Variants in ZFHX3 observed in about 807,000 individuals in gnomAD.
The protein encoded by ZFHX3 is zinc finger homeobox 3.
Under a neutral mutation model 279.1 loss-of-function variants are expected in ZFHX3, and 42 were observed. The observed-to-expected ratio is 0.15, with a 90% CI of 0.12 to 0.19. ZFHX3 has a LOEUF of 0.19. Among genes scored for constraint, ZFHX3 ranks in the 10% least tolerant of loss-of-function variants. The probability of loss-of-function intolerance (pLI) is 1.00; values close to 1 mark genes in which losing one functional copy is unlikely to be tolerated. For missense variants in ZFHX3, 4,981 were observed against 4,754.0 expected (o/e 1.05, Z -1.40); for synonymous variants, 2,293 against 1,957.8 (o/e 1.17, Z -4.52).
At chr16:72,969,507 C>A (rs749004434) in intron 1 of ZFHX3, among the ~76,000 whole-genome samples, 4 of 151,714 alleles carry the variant, frequency 2.6e-5, no homozygotes, top group Non-Finnish European at 5.9e-5. Context: ...CGAGGGCAGC[C>A]CCCAGAGAAA....
intron 5 of ZFHX3, among the ~76,000 whole-genome samples, chr16:73,183,778 G>A (rs1567412435): frequency 6.6e-6 from 1 of 152,076 alleles, no homozygotes; most frequent in Non-Finnish European, 1.5e-5. Context: ...GCGGAAGTGC[G>A]TTTTGGAGAT....
At chr16:73,048,739 C>G (rs1424421750), upstream of ZFHX3, among the ~76,000 whole-genome samples, 3 of 152,250 alleles carry the variant, frequency 2.0e-5, no homozygotes, top group African/African-American at 7.2e-5. Flanking sequence ...ACACACCCAT[C>G]CTATTAACTG....
Position 72,788,259 on chromosome 16 carries a change from T to G in ZFHX3, c.10017A>C (p.Glu3339Asp). The G allele has an allele frequency of 6.2e-7, 1 of 1,614,160 alleles. No individual in the cohort carries two copies. Among genetic ancestry groups the G allele is most frequent in the South Asian group, 1.1e-5 (1 of 91,080 alleles). ...GTGCAGGGCTGTAGGGGAACAGGCC[T>G]TCCATGCCATACATAGGCTGCAGGT... ...SGYLQPMYGMEGLFPYSPALS... is the reference protein window; with the variant it reads ...SGYLQPMYGMDGLFPYSPALS... Residue 3339 changes from glutamate (E) to aspartate (D), a missense_variant, in exon 10 of 10, where the codon GAA becomes GAC. Glu to Asp is a conservative substitution (Grantham distance 45, BLOSUM62 2). Around this residue, in one of 7 missense-constraint regions of ZFHX3, gnomAD observed 1,034 missense variants for 786.0 expected, o/e 1.32. Coordinates refer to ENST00000268489, the MANE Select transcript of ZFHX3 (RefSeq NM_006885.4).
intron 3 of ZFHX3, among the ~76,000 whole-genome samples, chr16:72,924,212 C>T (rs761399648): frequency 7.9e-5 from 12 of 152,268 alleles, no homozygotes; most frequent in Admixed American, 1.3e-4. Context: ...AAAACTTAAA[C>T]GACTTTAGAT....
At chr16:73,525,151 G>A (rs1385026858) in intron 2 of ZFHX3, among the ~76,000 whole-genome samples, 4 of 152,158 alleles carry the variant, frequency 2.6e-5, no homozygotes, top group African/African-American at 4.8e-5. Flanking sequence ...TCGGTTTTAC[G>A]TACAGTTAAT....
At chr16:73,160,772 C>CTTTTTTTTTTTTTTT in intron 5 of ZFHX3, among the ~76,000 whole-genome samples, 1 of 127,972 alleles carries the variant, frequency 7.8e-6, no homozygotes, top group Non-Finnish European at 1.7e-5. Flanking sequence ...CTTTTCTCTT[C>CTTTTTTTTTTTTTTT]TTTTTTTTTT....
chr16:73,317,045 C>T (rs932697818), intron 4 of ZFHX3, among the ~76,000 whole-genome samples: 2 of 151,938 alleles, frequency 1.3e-5, no homozygotes, highest in Admixed American at 6.6e-5. Context: ...ACACAGGAGA[C>T]GTGAGATGGG....
intron 1 of ZFHX3, among the ~76,000 whole-genome samples, chr16:72,993,910 T>C (rs986583355): frequency 6.6e-6 from 1 of 152,146 alleles, no homozygotes; most frequent in Non-Finnish European, 1.5e-5. Flanking sequence ...CTGGGTTGAA[T>C]CCAGTTATAA....
intron 8 of ZFHX3, among the ~76,000 whole-genome samples, chr16:73,077,536 C>T (rs1965899697): frequency 6.6e-6 from 1 of 151,612 alleles, no homozygotes; most frequent in African/African-American, 2.4e-5. Flanking sequence ...ACAACTTTAT[C>T]CTGCAAAAAA....
At chr16:73,672,031 A>G (rs1337260841) in intron 2 of ZFHX3, among the ~76,000 whole-genome samples, 2 of 150,194 alleles carry the variant, frequency 1.3e-5, no homozygotes, top group South Asian at 2.1e-4. Flanking sequence ...AGAATGAGGG[A>G]CAGATCTGAG....
chr16:72,942,407 T>C (rs2042531482), intron 3 of ZFHX3, among the ~76,000 whole-genome samples: 1 of 152,232 alleles, frequency 6.6e-6, no homozygotes, highest in South Asian at 2.1e-4. Context: ...GTGTGACTTA[T>C]TCCTCTGGAT....
chr16:73,172,644 T>C (rs1597201832), intron 5 of ZFHX3, among the ~76,000 whole-genome samples: 1 of 152,164 alleles, frequency 6.6e-6, no homozygotes, highest in East Asian at 1.9e-4. Flanking sequence ...AGCCGGTTTT[T>C]TGAGAGAGAG....
At chr16:73,436,447 G>T (rs2018000002) in intron 3 of ZFHX3, among the ~76,000 whole-genome samples, 1 of 152,110 alleles carries the variant, frequency 6.6e-6, no homozygotes, top group Non-Finnish European at 1.5e-5. Flanking sequence ...AAGTGAAAGG[G>T]GTTTCCCCTT....
At chr16:73,485,432 A>AG (rs2018956504) in intron 2 of ZFHX3, among the ~76,000 whole-genome samples, 1 of 95,870 alleles carries the variant, frequency 1.0e-5, no homozygotes, top group African/African-American at 5.6e-5. Flanking sequence ...GAGAAAAAAA[A>AG]AAAAAAAAAA....
chr16:73,698,495 T>C (rs2053217987), intron 1 of ZFHX3, among the ~76,000 whole-genome samples: 1 of 152,146 alleles, frequency 6.6e-6, no homozygotes, highest in Non-Finnish European at 1.5e-5. Flanking sequence ...AGAAACCCAA[T>C]AGTTACCATC....
chr16:73,319,906 G>T (rs183468352), intron 3 of ZFHX3, among the ~76,000 whole-genome samples: 39 of 152,274 alleles, frequency 2.6e-4, no homozygotes, highest in Admixed American at 1.4e-3. Context: ...CTATGGCGAC[G>T]TGATGGTTTG....
At chr16:73,123,953 T>C (rs58457918) in intron 7 of ZFHX3, among the ~76,000 whole-genome samples, 5,139 of 152,236 alleles carry the variant, frequency 0.034, 276 homozygotes, top group African/African-American at 0.12. Context: ...GCTCTAAAAC[T>C]GTGAGAAATA....
chr16:73,378,775 T>C (rs77035650), intron 3 of ZFHX3, among the ~76,000 whole-genome samples: 4,080 of 152,290 alleles, frequency 0.027, 93 homozygotes, highest in Non-Finnish European at 0.041. Flanking sequence ...CTCAGAATTT[T>C]CTTTTCACTT....
At chr16:73,352,580 G>C (rs2016267043) in intron 3 of ZFHX3, among the ~76,000 whole-genome samples, 1 of 149,084 alleles carries the variant, frequency 6.7e-6, no homozygotes, top group African/African-American at 2.5e-5. Context: ...CCCGGGTTCA[G>C]GCAATCCTCC....
Sources: gnomAD v4.1 joint callset for allele counts (sites outside exome capture counted in the v4.1 genomes callset) on GRCh38, gnomAD v4.1.1 for gene constraint, gnomAD v4.1.1 regional missense constraint, MANE v1.5 for transcripts, NCBI Gene and HGNC (gene_info 2026-07-23, HGNC 2026-07-21) for gene names.